The following LRP1B variants were observed in gnomAD, a reference collection of about 807,000 sequenced individuals.
LRP1B encodes the protein LDL receptor related protein 1B.
LRP1B carries 217 observed loss-of-function variants against 556.6 expected under a neutral mutation model. The ratio of observed to expected loss-of-function variants is 0.39; its 90% CI spans 0.35 to 0.44. The LOEUF is 0.44. Among genes scored for constraint, LRP1B ranks in the 20% least tolerant of loss-of-function variants. LRP1B has a pLI of 1.00. For synonymous variants in LRP1B, 2,047 were observed against 1,865.8 expected (o/e 1.10, Z -2.50); for missense variants, 5,053 against 5,620.8 (o/e 0.90, Z 3.23).
chr2:140,977,200 G>T (rs181313672), intron 18 of LRP1B, among the ~76,000 whole-genome samples: 2 of 152,208 alleles, frequency 1.3e-5, no homozygotes, highest in Admixed American at 1.3e-4. Flanking sequence ...GCAGGTCTTT[G>T]CCGTGCTGTT....
chr2:140,256,040 G>T (rs190110599), intron 86 of LRP1B, among the ~76,000 whole-genome samples: 1 of 152,106 alleles, frequency 6.6e-6, no homozygotes, highest in Admixed American at 6.5e-5. Flanking sequence ...AATTACAGAG[G>T]TATTTGCTTG....
chr2:141,867,655 GTTATC>G (rs1254850222), intron 1 of LRP1B, among the ~76,000 whole-genome samples: 7 of 152,072 alleles, frequency 4.6e-5, no homozygotes, highest in East Asian at 3.9e-4. Flanking sequence ...TTGCCTCTTA[GTTATC>G]TTATGATATT....
chr2:141,653,068 T>A (rs956636594), intron 2 of LRP1B, among the ~76,000 whole-genome samples: 22 of 152,324 alleles, frequency 1.4e-4, no homozygotes, highest in African/African-American at 4.8e-4. Flanking sequence ...TACCATGTTA[T>A]AACATGATCT....
intron 1 of LRP1B, among the ~76,000 whole-genome samples, chr2:141,925,643 G>C (rs964428736): frequency 6.6e-6 from 1 of 152,130 alleles, no homozygotes; most frequent in Non-Finnish European, 1.5e-5. Context: ...TTACACTTTA[G>C]CCTGGGGTCA....
intron 43 of LRP1B, among the ~76,000 whole-genome samples, chr2:140,566,642 C>G (rs1418356670): frequency 1.3e-5 from 2 of 152,132 alleles, no homozygotes; most frequent in Non-Finnish European, 2.9e-5. Context: ...ACTCCATATA[C>G]CCCTCCCAGT....
intron 86 of LRP1B, among the ~76,000 whole-genome samples, chr2:140,257,870 CTCT>C (rs945203124): frequency 2.0e-5 from 3 of 152,112 alleles, no homozygotes; most frequent in African/African-American, 7.2e-5. Context: ...CTTCCTTAGG[CTCT>C]TCTTAAGCAT....
intron 7 of LRP1B, among the ~76,000 whole-genome samples, chr2:141,140,212 A>C (rs2105053101): frequency 6.6e-6 from 1 of 152,166 alleles, no homozygotes; most frequent in East Asian, 1.9e-4. Flanking sequence ...GCACAAGGGA[A>C]CGTTTAGGAG....
At chr2:141,591,363 GTT>G (rs71391662) in intron 2 of LRP1B, among the ~76,000 whole-genome samples, 1 of 139,010 alleles carries the variant, frequency 7.2e-6, no homozygotes, top group African/African-American at 2.6e-5. Context: ...TTGTTTGTTT[GTT>G]TTTTTTTTTT....
At chr2:140,388,345 A>T (rs1683858168) in intron 66 of LRP1B, among the ~76,000 whole-genome samples, 1 of 151,996 alleles carries the variant, frequency 6.6e-6, no homozygotes, top group East Asian at 1.9e-4. Flanking sequence ...TATAGCACTG[A>T]CTCTCAGCAC....
At chr2:140,300,995 C>G (rs1683796350) in intron 83 of LRP1B, among the ~76,000 whole-genome samples, 1 of 151,986 alleles carries the variant, frequency 6.6e-6, no homozygotes, top group South Asian at 2.1e-4. Flanking sequence ...GCAAATCATT[C>G]TGAAACTTTT....
At chr2:140,812,555 A>G (rs1186612934) in intron 32 of LRP1B, among the ~76,000 whole-genome samples, 3 of 151,944 alleles carry the variant, frequency 2.0e-5, no homozygotes, top group Non-Finnish European at 4.4e-5. Context: ...TTTACTTATT[A>G]ACATATACTC....
intron 84 of LRP1B, among the ~76,000 whole-genome samples, chr2:140,292,273 T>C (rs1573744198): frequency 6.6e-6 from 1 of 152,194 alleles, no homozygotes; most frequent in South Asian, 2.1e-4. Flanking sequence ...GTTGAAAGGA[T>C]ACATATTCAC....
At chr2:140,290,432 G>A (rs372198644) in intron 84 of LRP1B, among the ~76,000 whole-genome samples, 28 of 152,204 alleles carry the variant, frequency 1.8e-4, no homozygotes, top group Admixed American at 1.1e-3. Flanking sequence ...TTCTCATTAA[G>A]AGGAAAAGAG....
intron 2 of LRP1B, among the ~76,000 whole-genome samples, chr2:141,738,581 G>T (rs542846052): frequency 4.6e-5 from 7 of 152,250 alleles, no homozygotes; most frequent in Admixed American, 2.6e-4. Flanking sequence ...TCTTTGTTTA[G>T]AATTGACACA....
intron 3 of LRP1B, among the ~76,000 whole-genome samples, chr2:141,328,064 C>T (rs1200401529): frequency 6.6e-6 from 1 of 152,136 alleles, no homozygotes; most frequent in Non-Finnish European, 1.5e-5. Context: ...GAAAAATTGT[C>T]ATCCAGATAC....
At chr2:140,477,427 C>T (rs1176809310) in intron 59 of LRP1B, among the ~76,000 whole-genome samples, 1 of 151,980 alleles carries the variant, frequency 6.6e-6, no homozygotes, top group African/African-American at 2.4e-5. Flanking sequence ...AAAAATAACA[C>T]ATCCAAACTG....
intron 1 of LRP1B, among the ~76,000 whole-genome samples, chr2:142,024,433 T>A (rs565829852): frequency 6.6e-6 from 1 of 152,254 alleles, no homozygotes; most frequent in African/African-American, 2.4e-5. Context: ...TAGGGTGAGT[T>A]CCCTAAAAAA....
At chr2:140,506,679 TG>T (rs1574016296) in intron 53 of LRP1B, 116 bp downstream of exon 53, 7 of 961,136 alleles carry the variant, frequency 7.3e-6, no homozygotes, top group Middle Eastern at 2.2e-4. Flanking sequence ...CTGAATTCAC[TG>T]GGTGTTGATG....
In LRP1B at chr2:140,593,966, C is replaced by G. The variant is rs564178968; in HGVS notation, c.7194+4665G>C. Among the ~76,000 whole-genome samples the G allele has an allele frequency of 7.8e-4, 118 of 151,588 alleles. 1 individual carries two copies. Among genetic ancestry groups the G allele is most frequent in the African/African-American group, 2.7e-3 (113 of 41,324 alleles). On this transcript the variant is annotated intron_variant, in intron 43 of 90. Coordinates refer to ENST00000389484, the MANE Select transcript of LRP1B (RefSeq NM_018557.3). ...TTTTCAAATCTCTACAAACACATGC[C>G]CATGACACATCATGTTAATTTTTTT...
Sources: gnomAD v4.1 joint callset for allele counts (sites outside exome capture counted in the v4.1 genomes callset) on GRCh38, gnomAD v4.1.1 for gene constraint, MANE v1.5 for transcripts, NCBI Gene and HGNC (gene_info 2026-07-23, HGNC 2026-07-21) for gene names.